Variants in SATB2 observed in about 807,000 individuals in gnomAD.
The protein encoded by SATB2 is SATB homeobox 2.
In SATB2, 1 loss-of-function variant was observed where a neutral mutation model predicts 73.4. The ratio of observed to expected loss-of-function variants is 0.01; its 90% confidence interval spans 0.00 to 0.06. The LOEUF is 0.06. Ranked by LOEUF, SATB2 falls within the 10% of genes least tolerant of loss-of-function variation. The pLI is 1.00. For synonymous variants in SATB2, 397 were observed against 367.0 expected (o/e 1.08, Z -0.93); for missense variants, 459 against 945.8 (o/e 0.49, Z 6.75).
chr2:199,355,319 T>C (rs1392267005), intron 6 of SATB2, among the ~76,000 whole-genome samples: 1 of 118,102 alleles, frequency 8.5e-6, no homozygotes, highest in Non-Finnish European at 1.6e-5. Flanking sequence ...TGTATATACA[T>C]ATGTATGTGT....
chr2:199,334,545 C>G (rs1688281011), intron 7 of SATB2, among the ~76,000 whole-genome samples: 1 of 152,010 alleles, frequency 6.6e-6, no homozygotes, highest in Non-Finnish European at 1.5e-5. Flanking sequence ...GATAACCTAT[C>G]ACGTTTCCCT....
In SATB2 at chr2:199,271,957, G is replaced by C. The variant is rs1692170088; in HGVS notation, c.*254C>G. ...GATCCAGTCATAGAGACGGGATAAA[G>C]TGTAACGCTTTAGTGTCTTTGCCAA... On this transcript the variant is annotated 3_prime_UTR_variant, in exon 11 of 11. Transcript: ENST00000417098. 5 of 535,688 alleles carry C rather than the reference G, an allele frequency of 9.3e-6. No individual in the cohort carries two copies. The East Asian group carries it at 1.7e-4, about 18-fold the overall frequency. The allele number at this position is 535,688 out of a possible 1,614,324, so 33.2% of individuals were successfully genotyped here.
rs760451069 is a variant in SATB2 at position 199,380,498 on chromosome 2, G to C, written c.474-11C>G. The C allele has an allele frequency of 1.2e-5, 19 of 1,611,440 alleles. No homozygotes were observed. Among genetic ancestry groups the C allele is most frequent in the African/African-American group, 2.7e-5 (2 of 74,920 alleles). On this transcript the variant is annotated splice_polypyrimidine_tract_variant and intron_variant, in intron 4 of 10. Coordinates refer to ENST00000417098, the MANE Select transcript of SATB2 (RefSeq NM_001172509.2). ...TCCAACTTTGAACAACTGCAAAACA[G>C]AGCAATAATGAACAATACACAAACC...
chr2:199,380,280 G>A, intron 5 of SATB2, 84 bp downstream of exon 5: 10 of 1,518,748 alleles, frequency 6.6e-6, no homozygotes, highest in Non-Finnish European at 9.1e-6. Flanking sequence ...AGAGAAGACA[G>A]TTGTTTAAGC....
intron 2 of SATB2, among the ~76,000 whole-genome samples, chr2:199,438,748 C>A (rs573718858): frequency 6.6e-6 from 1 of 152,368 alleles, no homozygotes; most frequent in East Asian, 1.9e-4. Flanking sequence ...CCCTGCTTTG[C>A]ACTGCACTTC....
chr2:199,462,312 C>T (rs1019930059), upstream of SATB2, among the ~76,000 whole-genome samples: 1 of 152,174 alleles, frequency 6.6e-6, no homozygotes, highest in African/African-American at 2.4e-5. This position sits in a 1 kb window ranked among gnomAD's most constrained non-coding sequence, Gnocchi z 5.9. Flanking sequence ...CCCACGCCAG[C>T]TCTGAAGCCA....
At chr2:199,289,202 C>A (rs1164263855) in intron 10 of SATB2, among the ~76,000 whole-genome samples, 1 of 73,078 alleles carries the variant, frequency 1.4e-5, no homozygotes, top group African/African-American at 3.1e-5. Context: ...TACCTGAAAC[C>A]AGGTATGGAC....
intron 10 of SATB2, among the ~76,000 whole-genome samples, chr2:199,283,249 A>ATTTT (rs58013191): frequency 0.11 from 14,537 of 136,626 alleles, 915 homozygotes; most frequent in South Asian, 0.17. Flanking sequence ...ATGCCTAGCT[A>ATTTT]TTTTTTTTTT....
chr2:199,468,131 T>A (rs933677185), upstream of SATB2: 2 of 151,262 alleles, frequency 1.3e-5, no homozygotes, highest in Non-Finnish European at 2.9e-5. Context: ...TGCAGTAGGG[T>A]CTCAGAGGAG....
In SATB2 at chr2:199,355,558, A is replaced by G. The variant is rs142009316; in HGVS notation, c.701-6385T>C. On this transcript the variant is annotated intron_variant, in intron 6 of 10. Transcript: ENST00000417098. The stretch of plus-strand genomic sequence containing the variant: ...TGATTGGCACAGATGCCTGCCAATA[A>G]TAGCAAGGTGGCATAGGAAAGGTAG... Among the ~76,000 whole-genome samples the G allele has an allele frequency of 1.1e-4, 17 of 152,196 alleles. No individual in the cohort carries two copies. The East Asian group carries it at 3.3e-3, about 30-fold the overall frequency.
At chr2:199,294,505 G>A (rs559073394) in intron 10 of SATB2, among the ~76,000 whole-genome samples, 99 of 152,164 alleles carry the variant, frequency 6.5e-4, no homozygotes, top group Non-Finnish European at 1.0e-3. Flanking sequence ...AACTTACTAG[G>A]CATGCTGTTT....
intron 7 of SATB2, among the ~76,000 whole-genome samples, chr2:199,336,561 G>T: frequency 6.6e-6 from 1 of 152,156 alleles, no homozygotes; most frequent in East Asian, 1.9e-4. Flanking sequence ...ATTAACACTT[G>T]AGCTGACTTT....
At chr2:199,454,095 C>A (rs754208199) in intron 2 of SATB2, among the ~76,000 whole-genome samples, 27 of 151,960 alleles carry the variant, frequency 1.8e-4, no homozygotes, top group Non-Finnish European at 3.5e-4. Flanking sequence ...AATTTGAAAA[C>A]CAACCACTAT....
chr2:199,403,010 G>T (rs1215654747), intron 3 of SATB2, among the ~76,000 whole-genome samples: 3 of 152,138 alleles, frequency 2.0e-5, no homozygotes, highest in Non-Finnish European at 4.4e-5. Context: ...TCTGAAATTT[G>T]ACAGTGTTAA....
At chr2:199,358,198 T>G (rs774539455) in intron 6 of SATB2, among the ~76,000 whole-genome samples, 2 of 152,116 alleles carry the variant, frequency 1.3e-5, no homozygotes, top group Non-Finnish European at 2.9e-5. Context: ...CAGAATAGCA[T>G]CCCGTCTGCC....
Position 199,323,969 on chromosome 2 carries a change from A to C in SATB2, c.1387-11T>G. 2 of 1,613,150 alleles carry C rather than the reference A, an allele frequency of 1.2e-6. No homozygotes were observed. Among genetic ancestry groups the C allele is most frequent in the Non-Finnish European group, 1.7e-6 (2 of 1,179,374 alleles). ...TGTCGAGGTTTTGGCCTACCAAGAG[A>C]CCATGAAAATAATAATTTAAAAAGT... On this transcript the variant is annotated splice_polypyrimidine_tract_variant and intron_variant, in intron 8 of 10. Transcript: ENST00000417098.
At chr2:199,456,154 T>C (rs1033217899) in intron 1 of SATB2, 58 bp from the exon 2 acceptor site, 4 of 964,626 alleles carry the variant, frequency 4.1e-6, no homozygotes, top group African/African-American at 3.2e-5. Context: ...AAACCGCTCA[T>C]ACACGTGATA....
chr2:199,305,295 G>C (rs1687398058), intron 10 of SATB2, among the ~76,000 whole-genome samples: 1 of 151,872 alleles, frequency 6.6e-6, no homozygotes. Flanking sequence ...TGACTTTCTA[G>C]ATTTTATGTG....
At chr2:199,456,982 G>T (rs1015534170) in intron 1 of SATB2, among the ~76,000 whole-genome samples, 2 of 149,854 alleles carry the variant, frequency 1.3e-5, no homozygotes, top group East Asian at 4.0e-4. Context: ...GGGTGGGGGG[G>T]GGCGGGGAAG....
Sources: gnomAD v4.1 joint callset for allele counts (sites outside exome capture counted in the v4.1 genomes callset) on GRCh38, gnomAD v4.1.1 for gene constraint, Gnocchi (gnomAD v3.1) non-coding constraint, MANE v1.5 for transcripts, NCBI Gene and HGNC (gene_info 2026-07-23, HGNC 2026-07-21) for gene names.